FAM178B: variants seen among roughly 807,000 people sequenced by gnomAD.
FAM178B encodes the protein protein FAM178B.
FAM178B carries 82 observed loss-of-function variants against 91.7 expected under a neutral mutation model. The ratio of observed to expected loss-of-function variants is 0.89; its 90% CI spans 0.75 to 1.07. The LOEUF (loss-of-function observed/expected upper bound fraction) is 1.07, where lower values mean the gene tolerates loss of function less well. FAM178B is among the 50% of genes least tolerant of loss of function. The probability of loss-of-function intolerance (pLI) is 0.00; values close to 1 mark genes in which losing one functional copy is unlikely to be tolerated. For synonymous variants in FAM178B, 368 were observed against 359.4 expected (o/e 1.02, Z -0.27); for missense variants, 769 against 846.7 (o/e 0.91, Z 1.14).
intron 7 of FAM178B, chr2:96,950,012 C>T (rs2081897752): frequency 3.0e-6 from 3 of 985,816 alleles, no homozygotes; most frequent in Non-Finnish European, 3.6e-6. Flanking sequence ...GCACTCCTCT[C>T]CCCTCCAGCC....
intron 13 of FAM178B, among the ~76,000 whole-genome samples, chr2:96,900,423 C>T (rs1205229671): frequency 1.3e-5 from 2 of 152,306 alleles, no homozygotes; most frequent in African/African-American, 4.8e-5. Flanking sequence ...GCACTGCCTT[C>T]CCGGGGTGTG....
chr2:96,960,178 G>A, intron 6 of FAM178B, 110 bp downstream of exon 6: 1 of 1,215,494 alleles, frequency 8.2e-7, no homozygotes. Context: ...AAATTGGCCT[G>A]ATCACCTCTT....
intron 10 of FAM178B, among the ~76,000 whole-genome samples, chr2:96,922,078 C>T (rs966063953): frequency 1.4e-4 from 21 of 152,106 alleles, no homozygotes; most frequent in African/African-American, 3.9e-4. Context: ...CTCTGGTCGG[C>T]CTCACTGCTT....
intron 1 of FAM178B, among the ~76,000 whole-genome samples, chr2:96,983,365 G>T (rs907084555): frequency 2.0e-5 from 3 of 151,996 alleles, no homozygotes; most frequent in African/African-American, 7.2e-5. Flanking sequence ...AACCCCAAAG[G>T]TTATACTACT....
At chr2:96,962,899 T>G (rs1404391994) in intron 5 of FAM178B, among the ~76,000 whole-genome samples, 2 of 152,096 alleles carry the variant, frequency 1.3e-5, no homozygotes, top group Non-Finnish European at 2.9e-5. Context: ...TGCACCCCCT[T>G]CCCTGGCCCT....
At chr2:96,897,531 G>A (rs1042963865) in intron 13 of FAM178B, among the ~76,000 whole-genome samples, 5 of 152,152 alleles carry the variant, frequency 3.3e-5, no homozygotes, top group African/African-American at 4.8e-5. Context: ...CTCCAGCTGC[G>A]TCTTGCCTAG....
At chr2:96,894,745 AC>A (rs1276546241) in intron 13 of FAM178B, among the ~76,000 whole-genome samples, 7 of 30,680 alleles carry the variant, frequency 2.3e-4, no homozygotes, top group South Asian at 3.2e-3. Context: ...ACACCCACTC[AC>A]CCCCCCCACA....
At chr2:96,900,515 G>C (rs1053605165) in intron 13 of FAM178B, among the ~76,000 whole-genome samples, 6 of 152,134 alleles carry the variant, frequency 3.9e-5, no homozygotes, top group Non-Finnish European at 7.3e-5. Flanking sequence ...TTTCTGCTTG[G>C]GGGTAGGGGA....
intron 1 of FAM178B, among the ~76,000 whole-genome samples, chr2:96,975,950 A>C (rs902789247): frequency 6.6e-6 from 1 of 152,222 alleles, no homozygotes; most frequent in African/African-American, 2.4e-5. Context: ...ACTACACAGA[A>C]GGCCAAAAGA....
Position 96,889,719 on chromosome 2 carries a change from A to C in FAM178B, c.1776+4207T>G, listed in dbSNP as rs566784193. On this transcript the variant is annotated intron_variant, in intron 14 of 16. Coordinates refer to ENST00000490605, the MANE Select transcript of FAM178B (RefSeq NM_001122646.3). ...AAATAAATAAATAAATAAATAAATA[A>C]ATACAAAAAAAAATAGAGCATCAGT... is the stretch of plus-strand genomic sequence containing the variant. 1.6e-3 allele frequency among the ~76,000 whole-genome samples: 213 copies of C among 136,156 alleles called. 2 individuals carry two copies. The highest frequency in any genetic ancestry group is 0.013 in the South Asian group (33 of 2,532). The allele number at this position is 136,156 out of a possible 152,430, so 89.3% of individuals were successfully genotyped here.
intron 10 of FAM178B, among the ~76,000 whole-genome samples, chr2:96,922,964 G>A (rs1330882188): frequency 6.8e-6 from 1 of 147,218 alleles, no homozygotes; most frequent in African/African-American, 2.5e-5. Context: ...ATGAGCCACT[G>A]CATCCAGCCT....
chr2:96,912,601 G>A (rs763744523), intron 12 of FAM178B, among the ~76,000 whole-genome samples: 19 of 152,128 alleles, frequency 1.2e-4, no homozygotes, highest in Non-Finnish European at 2.6e-4. Flanking sequence ...CCCAAGAGGT[G>A]TCTCCTCAGC....
At position 96,940,011 on chromosome 2, in the gene FAM178B, AC is replaced by A. The variant is rs532711393; in HGVS notation, c.1078+7806del. The stretch of plus-strand genomic sequence containing the variant: ...AATTCTAATTGGAGACTTTGAAAGG[AC>A]TATGCCAAGCACATGACAGCTCTGA... On this transcript the variant is annotated intron_variant, in intron 8 of 16. Transcript: ENST00000490605. Among the ~76,000 whole-genome samples, 216 of 152,182 alleles carry A rather than the reference AC, an allele frequency of 1.4e-3. 1 individual carries two copies. Among genetic ancestry groups the A allele is most frequent in the African/African-American group, 4.9e-3 (205 of 41,492 alleles).
At chr2:96,902,220 C>T (rs867111381) in intron 13 of FAM178B, among the ~76,000 whole-genome samples, 5 of 152,148 alleles carry the variant, frequency 3.3e-5, no homozygotes, top group Admixed American at 6.6e-5. Context: ...ATTCTCCTGC[C>T]TCAGCCTCCC....
At chr2:96,955,295 G>T (rs960399578) in intron 6 of FAM178B, among the ~76,000 whole-genome samples, 1 of 152,184 alleles carries the variant, frequency 6.6e-6, no homozygotes, top group Non-Finnish European at 1.5e-5. Context: ...AAGATCATGA[G>T]GTCAGGAGAT....
At chr2:96,943,169 T>C (rs1385321653) in intron 8 of FAM178B, among the ~76,000 whole-genome samples, 1 of 152,152 alleles carries the variant, frequency 6.6e-6, no homozygotes, top group Middle Eastern at 3.2e-3. Flanking sequence ...ATTTTGTACA[T>C]CAAAGGACAT....
chr2:96,969,480 A>AATAACTG (rs1464969854), intron 4 of FAM178B, among the ~76,000 whole-genome samples: 2 of 152,184 alleles, frequency 1.3e-5, no homozygotes, highest in Non-Finnish European at 2.9e-5. Flanking sequence ...AACTGGGAGA[A>AATAACTG]ATAACTGTAT....
chr2:96,941,699 A>G (rs1276035053), intron 8 of FAM178B, among the ~76,000 whole-genome samples: 2 of 152,200 alleles, frequency 1.3e-5, no homozygotes, highest in African/African-American at 4.8e-5. Context: ...CTCCTCCTAC[A>G]CAAATATTAT....
chr2:96,972,423 A>T lies in FAM178B; in HGVS notation c.143-101T>A, dbSNP rs1466112563. ...GAGAGCAGCAAATGGGTGAGAGAACAACTTGGGGTTGCTGTGGGAAGGATG... is the reference window on the plus strand; with the variant it reads ...GAGAGCAGCAAATGGGTGAGAGAACTACTTGGGGTTGCTGTGGGAAGGATG... On this transcript the variant is annotated intron_variant, in intron 2 of 16. Transcript: ENST00000490605. The T allele has an allele frequency of 8.8e-6, 13 of 1,483,392 alleles. No individual in the cohort carries two copies. The Admixed American group carries it at 2.8e-4, about 32-fold the overall frequency. The allele number at this position is 1,483,392 out of a possible 1,614,324, so 91.9% of individuals were successfully genotyped here.
Sources: allele counts gnomAD v4.1 joint callset (sites outside exome capture counted in the v4.1 genomes callset), GRCh38; gene constraint gnomAD v4.1.1; transcripts MANE v1.5; gene names NCBI Gene and HGNC (gene_info 2026-07-23, HGNC 2026-07-21).